The following LMTK3 variants were observed in gnomAD, a reference collection of about 807,000 sequenced individuals.
LMTK3 encodes serine/threonine-protein kinase LMTK3.
A neutral mutation model predicts 116.7 loss-of-function variants in LMTK3; 27 were observed. That is an observed-to-expected ratio of 0.23 (90% confidence interval 0.17 to 0.32). The LOEUF is 0.32. Ranked by LOEUF, LMTK3 falls within the 10% of genes least tolerant of loss-of-function variation. The probability of loss-of-function intolerance (pLI) is 1.00; values close to 1 mark genes in which losing one functional copy is unlikely to be tolerated. For missense variants in LMTK3, 1,764 were observed against 2,068.5 expected, an observed-to-expected ratio of 0.85 and a Z score of 2.86; for synonymous variants, 965 against 971.0, an observed-to-expected ratio of 0.99 and a Z score of 0.11.
chr19:48,508,932 G>A lies in LMTK3; in HGVS notation c.476C>T (p.Ala159Val), dbSNP rs762116520. 5 of 1,612,764 alleles carry A rather than the reference G, an allele frequency of 3.1e-6. No individual in the cohort carries two copies. In the African/African-American group the frequency reaches 5.3e-5, roughly 17 times the overall value. Residue 159 changes from alanine (A) to valine (V), a missense_variant, in exon 5 of 15, where the codon GCC becomes GTC. Physicochemically the swap from Ala to Val is moderately conservative, Grantham distance 64. Around this residue, in one of 7 missense-constraint regions of LMTK3, gnomAD observed 271 missense variants for 478.2 expected, o/e 0.57. Transcript: ENST00000600059. ...TCGGAGCTCCTTCACCACCACCTGGGCGGGGGTGTAGTCGGAGAAAATCTC... is the reference window on the plus strand; with the variant it reads ...TCGGAGCTCCTTCACCACCACCTGGACGGGGGTGTAGTCGGAGAAAATCTC... The part of the protein sequence containing the change: ...LGEIFSDYTP[A>V]QVVVKELRAS...
At chr19:48,493,336 C>A (rs1319377403) in intron 12 of LMTK3, among the ~76,000 whole-genome samples, 1 of 148,086 alleles carries the variant, frequency 6.8e-6, no homozygotes, top group East Asian at 2.0e-4. Context: ...GCTCCGCCCC[C>A]CAGCCCGCCC....
At position 48,501,556 on chromosome 19, in the gene LMTK3, C is replaced by G. The variant is rs770522825; in HGVS notation, c.801G>C (p.Leu267=). 2.5e-6 allele frequency: 4 copies of G among 1,607,830 alleles called. No homozygotes were observed. The highest frequency in any genetic ancestry group is 3.4e-6 in the Non-Finnish European group (4 of 1,177,964). Residue 267 remains leucine, a synonymous_variant, in exon 8 of 15, where the codon CTG becomes CTC. Coordinates refer to ENST00000600059, the MANE Select transcript of LMTK3 (RefSeq NM_001388485.1). ...LHSHNYVHSD[L]ALRNCLLTSD... is the part of the protein sequence containing the mutation. ...AGGTCAGCAGGCAGTTGCGCAGGGC[C>G]AGGTCGCTGCGGGAAGAACGCGAGG...
At chr19:48,505,212 C>T (rs747460151) in intron 5 of LMTK3, among the ~76,000 whole-genome samples, 23 of 148,248 alleles carry the variant, frequency 1.6e-4, no homozygotes, top group Non-Finnish European at 2.7e-4. Flanking sequence ...CTCCCGGGCT[C>T]CAGCAATTCT....
chr19:48,504,914 T>G (rs575270767), intron 5 of LMTK3, among the ~76,000 whole-genome samples: 1 of 152,076 alleles, frequency 6.6e-6, no homozygotes, highest in East Asian at 1.9e-4. Flanking sequence ...CTGTCCTACA[T>G]CCTTTGTACC....
chr19:48,509,364 A>G (rs1272576629), intron 4 of LMTK3, 73 bp downstream of exon 4: 2 of 1,357,504 alleles, frequency 1.5e-6, no homozygotes, highest in Admixed American at 4.0e-5. Flanking sequence ...TGGTGAGAGC[A>G]GGGGTGTGGA....
At chr19:48,512,584 C>T (rs1972679891), upstream of LMTK3, among the ~76,000 whole-genome samples, 1 of 152,242 alleles carries the variant, frequency 6.6e-6, no homozygotes, top group African/African-American at 2.4e-5. Context: ...CGCAGACACA[C>T]ACATCACATG....
intron 14 of LMTK3, among the ~76,000 whole-genome samples, chr19:48,490,263 C>T (rs893502589): frequency 2.6e-5 from 4 of 152,084 alleles, no homozygotes; most frequent in African/African-American, 9.7e-5. Flanking sequence ...GTGGCTCACG[C>T]CTGTAATCCC....
chr19:48,509,340 G>A lies in LMTK3; in HGVS notation c.438+97C>T, dbSNP rs559608563. 1.4e-5 allele frequency: 16 copies of A among 1,150,900 alleles called. No homozygotes were observed. In the South Asian group the frequency reaches 2.1e-4, roughly 15 times the overall value. The allele number at this position is 1,150,900 out of a possible 1,614,324, so 71.3% of individuals were successfully genotyped here. A position where few individuals can be genotyped will look rare whatever the true frequency, so the allele number is the denominator to read the frequency against. ...TGAGGGGGCATGGGGAGGAGGCGAG[G>A]GACAGATGAGAAGTGGTGAGAGCAG... On this transcript the variant is annotated intron_variant, in intron 4 of 14. Coordinates refer to ENST00000600059, the MANE Select transcript of LMTK3 (RefSeq NM_001388485.1).
At chr19:48,489,183 C>T (rs778710947) in intron 14 of LMTK3, among the ~76,000 whole-genome samples, 12 of 152,224 alleles carry the variant, frequency 7.9e-5, no homozygotes, top group Non-Finnish European at 1.8e-4. Flanking sequence ...ACCCGTCTTG[C>T]TCCACATTGA....
chr19:48,501,514 G>A lies in LMTK3; in HGVS notation c.843C>T (p.Arg281=). The A allele has an allele frequency of 6.2e-7, 1 of 1,612,484 alleles. No homozygotes were observed. Among genetic ancestry groups the A allele is most frequent in the Non-Finnish European group, 8.5e-7 (1 of 1,179,360 alleles). ...TGTGGGCCAGCCCGTAGTCTCCGAT[G>A]CGCACGGTCAGGTCAGAGGTCAGCA... ...NCLLTSDLTV[R]IGDYGLAHSN... The change falls in exon 8 of 15, where the codon CGC becomes CGT. Residue 281 remains arginine, a synonymous_variant. Transcript: ENST00000600059.
intron 14 of LMTK3, among the ~76,000 whole-genome samples, chr19:48,490,725 T>TAGAA (rs1179704090): frequency 6.6e-6 from 1 of 152,132 alleles, no homozygotes; most frequent in East Asian, 1.9e-4. Flanking sequence ...GCACTCTGGG[T>TAGAA]TTCTCTCTCC....
At chr19:48,504,148 G>A (rs776870181) in intron 5 of LMTK3, among the ~76,000 whole-genome samples, 10 of 152,164 alleles carry the variant, frequency 6.6e-5, no homozygotes, top group South Asian at 2.1e-4. Context: ...GATTACAGGC[G>A]TGAACCACCG....
In LMTK3 at chr19:48,500,944, C is replaced by T. The variant is rs1042117591; in HGVS notation, c.1151+52G>A. On this transcript the variant is annotated intron_variant, in intron 10 of 14. Transcript: ENST00000600059. This position sits in a 1 kb window ranked among gnomAD's most constrained non-coding sequence, Gnocchi z 4.0. Reference sequence around the variant, plus strand: ...GGGAAACGAGGGGGGATGCTGGGACCATCCTGGGTGGGGTGCGGCAGGCCA... The same window carrying T: ...GGGAAACGAGGGGGGATGCTGGGACTATCCTGGGTGGGGTGCGGCAGGCCA... 9.4e-5 allele frequency: 137 copies of T among 1,451,584 alleles called. No individual in the cohort carries two copies. Among genetic ancestry groups the T allele is most frequent in the Non-Finnish European group, 1.2e-4 (133 of 1,100,044 alleles). 89.9% of individuals were successfully genotyped at this position (1,451,584 alleles called of 1,614,324 possible). A position where few individuals can be genotyped will look rare whatever the true frequency, so the allele number is the denominator to read the frequency against.
In LMTK3 at chr19:48,499,567, G is replaced by GCTCGGAGAGCAAGT. The variant is rs1972419676; in HGVS notation, c.1501_1502insACTTGCTCTCCGAG (p.Ser501TyrfsTer39). The GCTCGGAGAGCAAGT allele has an allele frequency of 6.6e-7, 1 of 1,524,704 alleles. No homozygotes were observed. The highest frequency in any genetic ancestry group is 1.4e-5 in the African/African-American group (1 of 71,690). 94.4% of individuals were successfully genotyped at this position (1,524,704 alleles called of 1,614,324 possible). On this transcript the variant is annotated frameshift_variant, in exon 11 of 15. Transcript: ENST00000600059. LOFTEE classifies it high-confidence loss of function. Reference sequence around the variant, plus strand: ...GTTGGCGTGGGGGGCCGGGGGGGCCGACGCCGGCTGCCAGGCAGGTGCCCC... The same window carrying GCTCGGAGAGCAAGT: ...GTTGGCGTGGGGGGCCGGGGGGGCCGCTCGGAGAGCAAGTACGCCGGCTGCCAGGCAGGTGCCCC...
rs769180545 is a variant in LMTK3, at chr19:48,494,491, G to A, written c.3677-382C>T. Reference sequence around the variant, plus strand: ...TACAGGCGCACGTGCCACCATGCCCGGCTAATTTTTTGTATTTTTAGTAGA... The same window carrying A: ...TACAGGCGCACGTGCCACCATGCCCAGCTAATTTTTTGTATTTTTAGTAGA... On this transcript the variant is annotated intron_variant, in intron 11 of 14. Coordinates refer to ENST00000600059, the MANE Select transcript of LMTK3 (RefSeq NM_001388485.1). This position sits in a 1 kb window ranked among gnomAD's most constrained non-coding sequence, Gnocchi z 4.0. Among the ~76,000 whole-genome samples the A allele has an allele frequency of 3.3e-5, 5 of 152,120 alleles. No homozygotes were observed. Among genetic ancestry groups the A allele is most frequent in the Admixed American group, 2.0e-4 (3 of 15,268 alleles).
At chr19:48,502,744 T>A (rs1056564337) in intron 6 of LMTK3, among the ~76,000 whole-genome samples, 163 bp from the exon 7 acceptor site, 1 of 152,168 alleles carries the variant, frequency 6.6e-6, no homozygotes, top group Non-Finnish European at 1.5e-5. Context: ...TGCCTGCTTG[T>A]TCAGGCCAGC....
intron 5 of LMTK3, among the ~76,000 whole-genome samples, chr19:48,507,367 C>T (rs78716142): frequency 0.028 from 4,334 of 152,200 alleles, 216 homozygotes; most frequent in African/African-American, 0.098. Context: ...TGTGGCTCGC[C>T]CAGCAAACGT....
intron 11 of LMTK3, among the ~76,000 whole-genome samples, chr19:48,495,332 A>G (rs936339442): frequency 7.2e-5 from 11 of 152,224 alleles, no homozygotes; most frequent in Admixed American, 6.5e-4. Flanking sequence ...TTCTGGAGTT[A>G]TGAGTACCCA....
chr19:48,499,309 G>A lies in LMTK3; in HGVS notation c.1760C>T (p.Pro587Leu). The A allele has an allele frequency of 7.0e-7, 1 of 1,419,436 alleles. No homozygotes were observed. The highest frequency in any genetic ancestry group is 9.2e-7 in the Non-Finnish European group (1 of 1,085,284). 87.9% of individuals were successfully genotyped at this position (1,419,436 alleles called of 1,614,324 possible). ...PQLVSETWAS[P>L]LFPAPRPFPA... ...GAAGGGCCGGGGCGCAGGGAAGAGG[G>A]GGGAGGCCCAGGTCTCGGACACCAG... The change falls in exon 11 of 15, where the codon CCC becomes CTC. Residue 587 changes from proline to leucine, a missense_variant. Pro to Leu is a moderately conservative substitution (Grantham distance 98). This residue lies in a region of LMTK3 where 1,028 missense variants were observed against 1,050.6 expected (regional missense o/e 0.98). Transcript: ENST00000600059.
Sources: gnomAD v4.1 joint callset for allele counts (sites outside exome capture counted in the v4.1 genomes callset) on GRCh38, gnomAD v4.1.1 for gene constraint, gnomAD v4.1.1 regional missense constraint, Gnocchi (gnomAD v3.1) non-coding constraint, MANE v1.5 for transcripts, NCBI Gene and HGNC (gene_info 2026-07-23, HGNC 2026-07-21) for gene names.